The following MAN1A2 variants were observed in gnomAD, a reference collection of about 807,000 sequenced individuals.
MAN1A2 encodes the protein mannosidase alpha class 1A member 2.
Under a neutral mutation model 75.7 loss-of-function variants are expected in MAN1A2, and 26 were observed. That is an observed-to-expected ratio of 0.34 (90% CI 0.25 to 0.48). The LOEUF (loss-of-function observed/expected upper bound fraction) is 0.48. MAN1A2 is among the 20% of genes least tolerant of loss of function. MAN1A2 has a pLI of 0.99. For synonymous variants in MAN1A2, 247 were observed against 264.6 expected (o/e 0.93, Z 0.65); for missense variants, 562 against 775.5 (o/e 0.72, Z 3.27).
chr1:117,478,074 C>G (rs1173901530), intron 8 of MAN1A2, among the ~76,000 whole-genome samples: 1 of 152,006 alleles, frequency 6.6e-6, no homozygotes, highest in Non-Finnish European at 1.5e-5. Flanking sequence ...ATCCAACTTA[C>G]AAGGGATGTG....
At chr1:117,410,128 G>A (rs1015424970) in intron 3 of MAN1A2, among the ~76,000 whole-genome samples, 1 of 151,874 alleles carries the variant, frequency 6.6e-6, no homozygotes, top group Non-Finnish European at 1.5e-5. Context: ...TTAAATTGCT[G>A]TGTTATTTTT....
At position 117,491,095 on chromosome 1, in the gene MAN1A2, ATCCAGAAGATTTTTTTTT is replaced by A. The variant is rs574074710; in HGVS notation, c.1169-2041_1169-2024del. 3.7e-3 allele frequency among the ~76,000 whole-genome samples: 566 copies of A among 152,136 alleles called. 3 individuals are homozygous for A. The highest frequency in any genetic ancestry group is 0.017 in the Middle Eastern group (5 of 294). On this transcript the variant is annotated intron_variant, in intron 8 of 12. Transcript: ENST00000356554. Reference sequence around the variant, plus strand: ...GCTGATGGAAAAACTGCAGCAAGTGATCCAGAAGATTTTTTTTTTCCAGAAGATCTAACTAAGTTAATT... The same window carrying A: ...GCTGATGGAAAAACTGCAGCAAGTGATCCAGAAGATCTAACTAAGTTAATT...
rs536093617 is a variant in MAN1A2 at position 117,491,985 on chromosome 1, C to CA, written c.1169-1159dup. On this transcript the variant is annotated intron_variant, in intron 8 of 12. Coordinates refer to ENST00000356554, the MANE Select transcript of MAN1A2 (RefSeq NM_006699.5). Reference sequence around the variant, plus strand: ...GAGGAGTTGCTTCTTAACAGATGAGCAAAGAAGATGGTTTCTTGAGATGGA... The same window carrying CA: ...GAGGAGTTGCTTCTTAACAGATGAGCAAAAGAAGATGGTTTCTTGAGATGGA... Among the ~76,000 whole-genome samples the CA allele has an allele frequency of 2.3e-4, 35 of 152,122 alleles. No homozygotes were observed. In the East Asian group the frequency reaches 5.8e-3, roughly 25 times the overall value.
intron 4 of MAN1A2, among the ~76,000 whole-genome samples, chr1:117,417,534 A>AGTATATATATATATATATATAT (rs1648033932): frequency 5.6e-5 from 5 of 89,206 alleles, no homozygotes; most frequent in African/African-American, 2.3e-4. Context: ...CTTGAGTTTA[A>AGTATATATATATATATATATAT]ATATATATAT....
chr1:117,508,917 A>G (rs1651449305), intron 12 of MAN1A2, among the ~76,000 whole-genome samples: 1 of 151,640 alleles, frequency 6.6e-6, no homozygotes, highest in South Asian at 2.1e-4. Flanking sequence ...CTTTAAAAAT[A>G]CTCTATTTTG....
chr1:117,454,694 G>C (rs1431659165), intron 6 of MAN1A2, among the ~76,000 whole-genome samples: 2 of 152,118 alleles, frequency 1.3e-5, no homozygotes, highest in African/African-American at 4.8e-5. Flanking sequence ...GTAAATATTT[G>C]AATAAATATA....
chr1:117,497,506 G>A (rs774614518), intron 10 of MAN1A2, among the ~76,000 whole-genome samples: 1 of 151,858 alleles, frequency 6.6e-6, no homozygotes, highest in African/African-American at 2.4e-5. Flanking sequence ...ATTGCACTGG[G>A]CAAATATTTT....
At chr1:117,385,850 C>A (rs1188401400) in intron 1 of MAN1A2, among the ~76,000 whole-genome samples, 2 of 151,362 alleles carry the variant, frequency 1.3e-5, no homozygotes, top group Admixed American at 1.3e-4. Flanking sequence ...AGTAAATAGG[C>A]ATTAAGTGAA....
chr1:117,377,052 G>A (rs1653170451), intron 1 of MAN1A2, among the ~76,000 whole-genome samples: 1 of 152,068 alleles, frequency 6.6e-6, no homozygotes, highest in Non-Finnish European at 1.5e-5. Context: ...GAACAACTGT[G>A]TTTATATTTA....
chr1:117,518,778 C>T (rs1207206843), intron 12 of MAN1A2, among the ~76,000 whole-genome samples: 3 of 152,014 alleles, frequency 2.0e-5, no homozygotes, highest in African/African-American at 7.2e-5. Context: ...GACAGGTCAA[C>T]AAGACAGAAA....
intron 6 of MAN1A2, among the ~76,000 whole-genome samples, chr1:117,457,188 T>G (rs1253481186): frequency 1.3e-5 from 2 of 152,074 alleles, no homozygotes; most frequent in Non-Finnish European, 2.9e-5. Context: ...CTGTCAAGAG[T>G]TTACCAAACA....
chr1:117,499,873 C>T (rs1011960790), intron 11 of MAN1A2, among the ~76,000 whole-genome samples: 12 of 151,150 alleles, frequency 7.9e-5, no homozygotes, highest in Admixed American at 6.6e-4. Flanking sequence ...CTATCAGTAC[C>T]TAGGGAGGAA....
intron 6 of MAN1A2, among the ~76,000 whole-genome samples, chr1:117,458,507 A>T (rs12743363): frequency 3.6e-5 from 4 of 111,606 alleles, no homozygotes; most frequent in Non-Finnish European, 7.2e-5. Flanking sequence ...CTATATATAT[A>T]TATAGATATA....
chr1:117,484,431 C>T (rs1041914491), intron 8 of MAN1A2, among the ~76,000 whole-genome samples: 1 of 151,938 alleles, frequency 6.6e-6, no homozygotes, highest in Non-Finnish European at 1.5e-5. Context: ...TTTCAGATTG[C>T]TAGTGGCACT....
intron 5 of MAN1A2, among the ~76,000 whole-genome samples, chr1:117,440,985 C>A (rs553344681): frequency 2.1e-4 from 32 of 152,194 alleles, no homozygotes; most frequent in Non-Finnish European, 4.4e-4. Context: ...AACATTATTA[C>A]AACTTTGACT....
At chr1:117,395,300 T>C (rs1029440833) in intron 1 of MAN1A2, among the ~76,000 whole-genome samples, 7 of 152,342 alleles carry the variant, frequency 4.6e-5, no homozygotes, top group Non-Finnish European at 1.0e-4. Flanking sequence ...GCATAGTGTT[T>C]AAGAAGTCAA....
intron 6 of MAN1A2, among the ~76,000 whole-genome samples, chr1:117,455,015 T>C (rs1461385274): frequency 5.9e-5 from 9 of 151,874 alleles, no homozygotes; most frequent in Admixed American, 3.9e-4. Context: ...ATGGGAAAAA[T>C]AGACAATGAA....
At chr1:117,497,583 T>G (rs1221735768) in intron 10 of MAN1A2, among the ~76,000 whole-genome samples, 1 of 151,896 alleles carries the variant, frequency 6.6e-6, no homozygotes, top group African/African-American at 2.4e-5. Context: ...TTGTTTTGGT[T>G]GGGGCTGAGA....
chr1:117,465,518 ATAT>A (rs1649954783), intron 7 of MAN1A2, among the ~76,000 whole-genome samples: 1 of 152,190 alleles, frequency 6.6e-6, no homozygotes, highest in Admixed American at 6.5e-5. Context: ...AGAAGAATTG[ATAT>A]TGTACTCAGG....
Sources: allele counts gnomAD v4.1 joint callset (sites outside exome capture counted in the v4.1 genomes callset), GRCh38; gene constraint gnomAD v4.1.1; transcripts MANE v1.5; gene names NCBI Gene and HGNC (gene_info 2026-07-23, HGNC 2026-07-21).